The following FGF1 variants were observed in gnomAD, a reference collection of about 807,000 sequenced individuals.
FGF1 encodes the protein beta-endothelial cell growth factor.
FGF1 carries 9 observed loss-of-function variants against 13.4 expected under a neutral mutation model. The ratio of observed to expected loss-of-function variants is 0.67; its 90% CI spans 0.40 to 1.17. The LOEUF (loss-of-function observed/expected upper bound fraction) is 1.17. FGF1 is among the 50% of genes most tolerant of loss of function. The pLI, the probability that FGF1 is intolerant of heterozygous loss-of-function variation, is 0.01. For missense variants in FGF1, 156 were observed against 192.7 expected, an observed-to-expected ratio of 0.81 and a Z score of 1.13; for synonymous variants, 93 against 79.0, an observed-to-expected ratio of 1.18 and a Z score of -0.94.
intron 1 of FGF1, among the ~76,000 whole-genome samples, chr5:142,628,726 T>C (rs902555666): frequency 2.0e-5 from 3 of 152,208 alleles, no homozygotes; most frequent in Non-Finnish European, 4.4e-5. Flanking sequence ...CCCCCTGTCA[T>C]GTTTAGAGAT....
intron 2 of FGF1, among the ~76,000 whole-genome samples, chr5:142,696,965 A>G (rs1406921724): frequency 6.6e-6 from 1 of 152,208 alleles, no homozygotes; most frequent in Non-Finnish European, 1.5e-5. Context: ...TACATGTTCT[A>G]TGAGGAGGCA....
chr5:142,627,483 G>A (rs546187160), intron 1 of FGF1, among the ~76,000 whole-genome samples: 3 of 152,232 alleles, frequency 2.0e-5, no homozygotes, highest in South Asian at 2.1e-4. Context: ...ACAATATCCC[G>A]GCATCTCTGG....
At chr5:142,671,864 G>A (rs1382045309) in intron 1 of FGF1, 1 of 152,160 alleles carries the variant, frequency 6.6e-6, no homozygotes, top group African/African-American at 2.4e-5. Context: ...TTATACCTGG[G>A]GAAACTGAGG....
intron 1 of FGF1, among the ~76,000 whole-genome samples, chr5:142,657,830 C>T (rs1329389179): frequency 2.0e-5 from 3 of 152,240 alleles, no homozygotes; most frequent in African/African-American, 4.8e-5. Context: ...TTCTCCTTCT[C>T]TTGCTTAGTA....
rs906838033 is a variant in FGF1, at chr5:142,646,630, C to T, written c.-34-32469G>A. ...CCTCCCAAAGTGCTGGGATTACAGG[C>T]GTGAGCCACTGCGCCTGGCCCCGGC... is the stretch of plus-strand genomic sequence containing the variant. On this transcript the variant is annotated intron_variant, in intron 1 of 3. Coordinates refer to ENST00000337706, the MANE Select transcript of FGF1 (RefSeq NM_000800.5). 4.7e-4 allele frequency among the ~76,000 whole-genome samples: 72 copies of T among 151,778 alleles called. 1 individual carries two copies. Among genetic ancestry groups the T allele is most frequent in the Non-Finnish European group, 1.3e-4 (9 of 67,946 alleles).
chr5:142,606,418 C>T (rs1380417477), intron 2 of FGF1, among the ~76,000 whole-genome samples: 1 of 151,150 alleles, frequency 6.6e-6, no homozygotes, highest in Non-Finnish European at 1.5e-5. Flanking sequence ...AGATCAAGAC[C>T]AGCCTGGCCA....
At chr5:142,604,999 C>G (rs1757331447) in intron 2 of FGF1, among the ~76,000 whole-genome samples, 2 of 152,200 alleles carry the variant, frequency 1.3e-5, no homozygotes, top group African/African-American at 4.8e-5. Flanking sequence ...CTCTTTTCAA[C>G]CTATCGCCCA....
chr5:142,667,308 C>T (rs1053479454), intron 1 of FGF1, among the ~76,000 whole-genome samples: 3 of 148,216 alleles, frequency 2.0e-5, no homozygotes, highest in Non-Finnish European at 3.0e-5. Flanking sequence ...AGAAACAGGC[C>T]GGGCGCGGTG....
At chr5:142,607,353 G>A (rs1201245717) in intron 2 of FGF1, among the ~76,000 whole-genome samples, 2 of 152,148 alleles carry the variant, frequency 1.3e-5, no homozygotes, top group Non-Finnish European at 2.9e-5. Flanking sequence ...TCCCATACGG[G>A]GATCTAGGAG....
At chr5:142,628,892 C>G (rs1762885620) in intron 1 of FGF1, among the ~76,000 whole-genome samples, 1 of 152,182 alleles carries the variant, frequency 6.6e-6, no homozygotes, top group Non-Finnish European at 1.5e-5. Flanking sequence ...AATTCCTCTT[C>G]ACATTCAAGA....
At chr5:142,610,883 A>G (rs1758894555) in intron 2 of FGF1, among the ~76,000 whole-genome samples, 1 of 152,182 alleles carries the variant, frequency 6.6e-6, no homozygotes, top group Admixed American at 6.5e-5. Flanking sequence ...TCATTCTCCT[A>G]GAGGTAGGAA....
chr5:142,677,394 T>C (rs1267971639), intron 1 of FGF1, among the ~76,000 whole-genome samples: 2 of 152,190 alleles, frequency 1.3e-5, no homozygotes, highest in African/African-American at 4.8e-5. Flanking sequence ...TTGTCTTTGA[T>C]GCCCATCAGC....
At chr5:142,667,633 G>T (rs984834218) in intron 1 of FGF1, among the ~76,000 whole-genome samples, 1 of 151,760 alleles carries the variant, frequency 6.6e-6, no homozygotes. Flanking sequence ...AAAAATCGCC[G>T]GCTTTTAGTC....
chr5:142,664,503 A>G (rs1769916189), intron 1 of FGF1, among the ~76,000 whole-genome samples: 1 of 152,218 alleles, frequency 6.6e-6, no homozygotes, highest in African/African-American at 2.4e-5. Flanking sequence ...ATATTTTATC[A>G]AGCCTCAGAT....
chr5:142,645,406 A>C (rs1458661948), intron 1 of FGF1, among the ~76,000 whole-genome samples: 1 of 152,098 alleles, frequency 6.6e-6, no homozygotes, highest in Non-Finnish European at 1.5e-5. Flanking sequence ...AATGCCCCTG[A>C]GTCAATATTG....
intron 1 of FGF1, among the ~76,000 whole-genome samples, chr5:142,676,573 C>T (rs891144885): frequency 1.3e-5 from 2 of 152,248 alleles, no homozygotes; most frequent in Non-Finnish European, 2.9e-5. Context: ...AGTCCCATTC[C>T]AGGGTTCATG....
chr5:142,620,444 G>T (rs1306188875), intron 1 of FGF1, among the ~76,000 whole-genome samples: 1 of 152,126 alleles, frequency 6.6e-6, no homozygotes, highest in South Asian at 2.1e-4. Flanking sequence ...AACTCGTGTG[G>T]CTATATTAAT....
chr5:142,614,096 G>A lies in FGF1; in HGVS notation c.32C>T (p.Ala11Val), dbSNP rs1302333841. 1 of 1,614,210 alleles carries A rather than the reference G, an allele frequency of 6.2e-7. No homozygotes were observed. The highest frequency in any genetic ancestry group is 1.7e-5 in the Admixed American group (1 of 60,028). MAEGEITTFT[A>V]LTEKFNLPPG... is the part of the protein sequence containing the mutation. ...AGGCAGATTAAACTTCTCGGTCAGG[G>A]CTGTGAAGGTGGTGATTTCCCCTTC... is the stretch of plus-strand genomic sequence containing the variant. The change falls in exon 2 of 4, where the codon GCC becomes GTC. Residue 11 changes from alanine (A) to valine (V), a missense_variant. Ala to Val is a moderately conservative substitution (Grantham distance 64). Transcript: ENST00000337706.
intron 1 of FGF1, among the ~76,000 whole-genome samples, chr5:142,616,086 C>T (rs535395235): frequency 1.3e-5 from 2 of 152,346 alleles, no homozygotes; most frequent in East Asian, 1.9e-4. Flanking sequence ...ACCCTGCCTT[C>T]CCTGCACTAA....
Sources: gnomAD v4.1 joint callset for allele counts (sites outside exome capture counted in the v4.1 genomes callset) on GRCh38, gnomAD v4.1.1 for gene constraint, MANE v1.5 for transcripts, NCBI Gene and HGNC (gene_info 2026-07-23, HGNC 2026-07-21) for gene names.